Variants in NOL8 observed in about 807,000 individuals in gnomAD.
NOL8 encodes nucleolar protein 8, also known as nucleolar protein Nop132.
NOL8 carries 93 observed loss-of-function variants against 116.1 expected under a neutral mutation model. That is an observed-to-expected ratio of 0.80 (90% CI 0.68 to 0.95). The LOEUF (loss-of-function observed/expected upper bound fraction) is 0.95. Among genes scored for constraint, NOL8 ranks in the 40% least tolerant of loss-of-function variants. The pLI is 0.00. For synonymous variants in NOL8, 419 were observed against 469.0 expected, an observed-to-expected ratio of 0.89 and a Z score of 1.38; for missense variants, 1,291 against 1,382.8, an observed-to-expected ratio of 0.93 and a Z score of 1.05.
Position 92,314,843 on chromosome 9 carries a change from G to A in NOL8, c.1782C>T (p.Ala594=). 1.2e-6 allele frequency: 2 copies of A among 1,613,200 alleles called. No individual in the cohort carries two copies. Among genetic ancestry groups the A allele is most frequent in the East Asian group, 4.5e-5 (2 of 44,880 alleles). ...SMKKSLKDSV[A]SNNKDQNSMK... ...TGGAATTCTGATCTTTATTGTTAGA[G>A]GCAACACTGTCTTTCAAGGATTTTT... The change falls in exon 7 of 17, where the codon GCC becomes GCT. Residue 594 remains alanine (A), a synonymous_variant. Transcript: ENST00000442668.
Position 92,314,795 on chromosome 9 carries a change from G to A in NOL8, c.1830C>T (p.Ile610=). ...ATGGGGACCCATCTTCCATGGATAT[G>A]ATACTGGGATCCTCATGTTTCATGG... is the stretch of plus-strand genomic sequence containing the variant. ...QNSMKHEDPS[I]ISMEDGSPYV... is the part of the protein sequence containing the mutation. Residue 610 remains isoleucine, a synonymous_variant, in exon 7 of 17, where the codon ATC becomes ATT. Coordinates refer to ENST00000442668, the MANE Select transcript of NOL8 (RefSeq NM_017948.6). 2 of 1,613,620 alleles carry A rather than the reference G, an allele frequency of 1.2e-6. No homozygotes were observed. The highest frequency in any genetic ancestry group is 1.7e-6 in the Non-Finnish European group (2 of 1,179,796).
At chr9:92,316,220 T>A in intron 6 of NOL8, 82 bp from the exon 7 acceptor site, 2 of 1,417,344 alleles carry the variant, frequency 1.4e-6, no homozygotes, top group Non-Finnish European at 1.9e-6. Context: ...TATTGCTTAA[T>A]CTCAAATAAG....
At chr9:92,318,715 T>C in intron 5 of NOL8, 29 bp from the exon 6 acceptor site, 1 of 1,388,312 alleles carries the variant, frequency 7.2e-7, no homozygotes, top group Non-Finnish European at 9.9e-7. Context: ...ATTTATTTAC[T>C]ATATGTGACA....
At chr9:92,299,608 A>G (rs1837543097) in intron 14 of NOL8, among the ~76,000 whole-genome samples, 1 of 151,944 alleles carries the variant, frequency 6.6e-6, no homozygotes, top group Admixed American at 6.6e-5. Context: ...AAAATTAGCC[A>G]GGTGTGGTTG....
intron 13 of NOL8, chr9:92,300,375 A>G: frequency 1.0e-6 from 1 of 991,570 alleles, no homozygotes; most frequent in Non-Finnish European, 1.2e-6. Flanking sequence ...AATAGGATAC[A>G]GGGAAATCAG....
chr9:92,312,037 C>T (rs1349015897), intron 7 of NOL8, among the ~76,000 whole-genome samples: 1 of 152,176 alleles, frequency 6.6e-6, no homozygotes, highest in African/African-American at 2.4e-5. Context: ...AGAATGCAAT[C>T]ATGTCCCTTA....
chr9:92,299,429 T>G (rs1837526269), intron 14 of NOL8, among the ~76,000 whole-genome samples: 1 of 152,124 alleles, frequency 6.6e-6, no homozygotes, highest in African/African-American at 2.4e-5. Context: ...ACACTCTCCA[T>G]TATAAAAAGG....
Position 92,305,831 on chromosome 9 carries a change from C to G in NOL8, c.2826-1G>C. ...CGTTGGATCATAATGTATGATGTCC[C>G]TATGTAAAAAAAGGAAGGGAGGTTG... is the stretch of plus-strand genomic sequence containing the variant. On this transcript the variant is annotated splice_acceptor_variant, in intron 11 of 16. Coordinates refer to ENST00000442668, the MANE Select transcript of NOL8 (RefSeq NM_017948.6). LOFTEE classifies it high-confidence loss of function. 6.2e-7 allele frequency: 1 copy of G among 1,607,258 alleles called. No homozygotes were observed. Among genetic ancestry groups the G allele is most frequent in the Non-Finnish European group, 8.5e-7 (1 of 1,175,120 alleles).
At chr9:92,312,357 G>T (rs1049113527) in intron 7 of NOL8, among the ~76,000 whole-genome samples, 3 of 150,736 alleles carry the variant, frequency 2.0e-5, no homozygotes, top group Non-Finnish European at 4.4e-5. Context: ...AGCAGGCTGA[G>T]GTGGGAGAAT....
chr9:92,314,705 G>T lies in NOL8; in HGVS notation c.1920C>A (p.Asn640Lys). The T allele has an allele frequency of 3.7e-6, 6 of 1,613,818 alleles. No homozygotes were observed. The highest frequency in any genetic ancestry group is 5.1e-6 in the Non-Finnish European group (6 of 1,179,806). The change falls in exon 7 of 17, where the codon AAC becomes AAA. Residue 640 changes from asparagine to lysine, a missense_variant. Coordinates refer to ENST00000442668, the MANE Select transcript of NOL8 (RefSeq NM_017948.6). ...TCTGTCTTTTTTGAGGCTGAATATA[G>T]TTTGGGCCATTCGCCTTCTTTGCAT... ...CQHAKKANGP[N>K]YIQPQKRQTT...
chr9:92,313,234 C>T (rs1467224629), intron 7 of NOL8, among the ~76,000 whole-genome samples: 2 of 152,076 alleles, frequency 1.3e-5, no homozygotes, highest in African/African-American at 2.4e-5. Context: ...GCTGTTGTTA[C>T]GGTTTTGACT....
At chr9:92,305,429 A>C (rs889220313) in intron 12 of NOL8, among the ~76,000 whole-genome samples, 2 of 152,228 alleles carry the variant, frequency 1.3e-5, no homozygotes, top group African/African-American at 4.8e-5. Context: ...ACTGTAAAGA[A>C]ATAATTTTTG....
intron 6 of NOL8, 48 bp downstream of exon 6, chr9:92,318,570 A>G: frequency 6.2e-6 from 8 of 1,280,202 alleles, no homozygotes; most frequent in Non-Finnish European, 8.9e-6. Flanking sequence ...GTATTTTACA[A>G]GTATCCGTCA....
intron 5 of NOL8, 43 bp from the exon 6 acceptor site, chr9:92,318,729 A>G: frequency 7.9e-7 from 1 of 1,263,286 alleles, no homozygotes. Flanking sequence ...TGTGACACAA[A>G]TGGAAAAGAT....
intron 13 of NOL8, among the ~76,000 whole-genome samples, chr9:92,301,002 C>T (rs1252593720): frequency 6.6e-6 from 1 of 152,114 alleles, no homozygotes; most frequent in Admixed American, 6.5e-5. Flanking sequence ...GTTTTTTAAC[C>T]TGTGGCCCAT....
chr9:92,298,141 T>C lies in NOL8; in HGVS notation c.3453+116A>G, dbSNP rs143594230. On this transcript the variant is annotated intron_variant, in intron 16 of 16. Coordinates refer to ENST00000442668, the MANE Select transcript of NOL8 (RefSeq NM_017948.6). Reference sequence around the variant, plus strand: ...CTGGATTCTGAGACCAGTCACTCAATTGAGCCAGTCTGCAGTCTCCTCACC... The same window carrying C: ...CTGGATTCTGAGACCAGTCACTCAACTGAGCCAGTCTGCAGTCTCCTCACC... 493 of 775,458 alleles carry C rather than the reference T, an allele frequency of 6.4e-4. 4 individuals are homozygous for C. The African/African-American group carries it at 7.4e-3, about 12-fold the overall frequency. The allele number at this position is 775,458 out of a possible 1,614,324, so 48.0% of individuals were successfully genotyped here.
In NOL8 at chr9:92,315,008, AAT is replaced by A; in HGVS notation, c.1615_1616del (p.Ile539SerfsTer42). 1 of 1,614,034 alleles carries A rather than the reference AAT, an allele frequency of 6.2e-7. No individual in the cohort carries two copies. Among genetic ancestry groups the A allele is most frequent in the South Asian group, 1.1e-5 (1 of 91,084 alleles). On this transcript the variant is annotated frameshift_variant, in exon 7 of 17. Coordinates refer to ENST00000442668, the MANE Select transcript of NOL8 (RefSeq NM_017948.6). LOFTEE classifies it high-confidence loss of function. ...GGGAAGCCACAATCTCCGCAGGACG[AAT>A]ACACTGTCGGCCTCTGCGGAGGCCA... ...PTGLRRGRQC[I>X]RPAEIVASLL...
rs775547303 is a variant in NOL8, at chr9:92,324,060, A to C, written c.102T>G (p.Val34=). Residue 34 remains valine, a synonymous_variant, in exon 2 of 17, where the codon GTT becomes GTG. Transcript: ENST00000442668. The stretch of plus-strand genomic sequence containing the variant: ...TCCGTGTGATGATCTCCACATCCGA[A>C]ACTTCTCCAAATCTGCTGAACTGAT... ...LQNQFSRFGE[V]SDVEIITRKD... is the part of the protein sequence containing the mutation. The C allele has an allele frequency of 6.2e-7, 1 of 1,613,996 alleles. No individual in the cohort carries two copies. Among genetic ancestry groups the C allele is most frequent in the South Asian group, 1.1e-5 (1 of 91,076 alleles).
chr9:92,321,445 T>C (rs924101954), intron 4 of NOL8, among the ~76,000 whole-genome samples: 7 of 152,220 alleles, frequency 4.6e-5, no homozygotes, highest in African/African-American at 1.4e-4. Flanking sequence ...TAAGTACATA[T>C]ATACTTTTAT....
Sources: gnomAD v4.1 joint callset for allele counts (sites outside exome capture counted in the v4.1 genomes callset) on GRCh38, gnomAD v4.1.1 for gene constraint, MANE v1.5 for transcripts, NCBI Gene and HGNC (gene_info 2026-07-23, HGNC 2026-07-21) for gene names.